Variants in ALKBH1 observed in about 807,000 individuals in gnomAD.
The protein encoded by ALKBH1 is alkB homolog 1, histone H2A dioxygenase.
A neutral mutation model predicts 36.6 loss-of-function variants in ALKBH1; 31 were observed. That is an observed-to-expected ratio of 0.85 (90% CI 0.64 to 1.14). The LOEUF (loss-of-function observed/expected upper bound fraction) is 1.14, where lower values mean the gene tolerates loss of function less well. Ranked by LOEUF, ALKBH1 falls within the 50% of genes most tolerant of loss-of-function variation. ALKBH1 has a pLI of 0.00. For synonymous variants in ALKBH1, 183 were observed against 186.6 expected, an observed-to-expected ratio of 0.98 and a Z score of 0.16; for missense variants, 490 against 497.3, an observed-to-expected ratio of 0.99 and a Z score of 0.14.
At position 77,679,916 on chromosome 14, in the gene ALKBH1, C is replaced by T. The variant is rs1399426456; in HGVS notation, c.510G>A (p.Trp170Ter). 6.2e-7 allele frequency: 1 copy of T among 1,614,142 alleles called. No homozygotes were observed. The highest frequency in any genetic ancestry group is 1.3e-5 in the African/African-American group (1 of 75,046). The change falls in exon 4 of 6, where the codon TGG becomes TGA. Residue 170 changes from tryptophan (W) to a stop codon, truncating the protein, a stop_gained. Transcript: ENST00000216489. LOFTEE classifies it high-confidence loss of function. Reference protein sequence around the residue: ...RPRSLLEKLRWVTVGYHYNWD... With the variant: ...RPRSLLEKLR ...AGTTATAATGGTAGCCTACGGTCAC[C>T]CAACGCAGTTTCTCCAGTAAACTTC... is the stretch of plus-strand genomic sequence containing the variant.
rs374787102 is a variant in ALKBH1 at position 77,694,743 on chromosome 14, G to T, written c.450C>A (p.Phe150Leu). The T allele has an allele frequency of 9.9e-5, 157 of 1,582,636 alleles. No individual in the cohort carries two copies. The highest frequency in any genetic ancestry group is 2.2e-4 in the Admixed American group (12 of 53,888). The stretch of plus-strand genomic sequence containing the variant: ...TTCTGATTGACAAGACTTACCTCAG[G>T]AACTCTTTGCTCTGTTCCCACAGAT... ...TQDLWEQSKEFLRYKEATKRR... is the reference protein window; with the variant it reads ...TQDLWEQSKELLRYKEATKRR... Residue 150 changes from phenylalanine (F) to leucine (L), a missense_variant, in exon 3 of 6, where the codon TTC becomes TTA. By Grantham distance (22) the Phe-to-Leu change is conservative. Coordinates refer to ENST00000216489, the MANE Select transcript of ALKBH1 (RefSeq NM_006020.3).
chr14:77,678,013 C>T (rs1326339868), intron 4 of ALKBH1, among the ~76,000 whole-genome samples: 2 of 131,694 alleles, frequency 1.5e-5, no homozygotes, highest in Non-Finnish European at 3.1e-5. Flanking sequence ...TTTTTACTCC[C>T]TATTTTTCTT....
At chr14:77,689,517 A>T (rs914204640) in intron 3 of ALKBH1, among the ~76,000 whole-genome samples, 1 of 152,212 alleles carries the variant, frequency 6.6e-6, no homozygotes, top group African/African-American at 2.4e-5. Flanking sequence ...ACTAATAAAG[A>T]GGGAATATGA....
intron 2 of ALKBH1, among the ~76,000 whole-genome samples, chr14:77,699,019 C>T (rs2080344185): frequency 1.3e-5 from 2 of 152,188 alleles, no homozygotes; most frequent in African/African-American, 2.4e-5. Flanking sequence ...CTGATCTGCC[C>T]GCCTCGGCCT....
intron 3 of ALKBH1, among the ~76,000 whole-genome samples, chr14:77,685,034 A>G (rs1288687529): frequency 1.3e-5 from 2 of 152,264 alleles, no homozygotes; most frequent in African/African-American, 4.8e-5. Flanking sequence ...AATACATTTT[A>G]TAAACACAGG....
Position 77,681,360 on chromosome 14 carries a change from G to C in ALKBH1, c.456-1390C>G, listed in dbSNP as rs1234142340. 3.3e-5 allele frequency among the ~76,000 whole-genome samples: 5 copies of C among 152,262 alleles called. No homozygotes were observed. The South Asian group carries it at 6.2e-4, about 19-fold the overall frequency. ...GTTGGGAGTTGAGCACGGCACTGAA[G>C]AATGGGCAGCATTTAAATAGGGAGT... On this transcript the variant is annotated intron_variant, in intron 3 of 5. Transcript: ENST00000216489.
At chr14:77,692,469 G>A (rs925050736) in intron 3 of ALKBH1, among the ~76,000 whole-genome samples, 3 of 152,180 alleles carry the variant, frequency 2.0e-5, no homozygotes, top group Admixed American at 6.5e-5. Context: ...TAAGGAGTGC[G>A]CAACCTAGAT....
chr14:77,674,384 G>T, intron 5 of ALKBH1, 143 bp from the exon 6 acceptor site: 1 of 1,003,252 alleles, frequency 1.0e-6, no homozygotes, highest in Non-Finnish European at 1.4e-6. Context: ...TTTTTAAACT[G>T]TGCTAAGATC....
intron 2 of ALKBH1, 132 bp downstream of exon 2, chr14:77,704,237 A>C (rs2139867712): frequency 1.4e-6 from 1 of 705,886 alleles, no homozygotes; most frequent in African/African-American, 1.8e-5. Flanking sequence ...ATGGGTTTGG[A>C]AATGAAACAT....
chr14:77,684,996 A>G (rs2080259927), intron 3 of ALKBH1, among the ~76,000 whole-genome samples: 1 of 152,248 alleles, frequency 6.6e-6, no homozygotes, highest in South Asian at 2.1e-4. Flanking sequence ...TTCCACCAAA[A>G]GATTTAGTCT....
intron 3 of ALKBH1, 55 bp downstream of exon 3, chr14:77,694,683 A>T: frequency 7.2e-7 from 1 of 1,381,076 alleles, no homozygotes; most frequent in Non-Finnish European, 9.5e-7. Flanking sequence ...TCCTTCAAAG[A>T]CCTGTGATGA....
chr14:77,673,797 T>C lies in ALKBH1; in HGVS notation c.*15A>G. ...TAAGCAGGTGCCTGAGTAAAAAGGATGGGATCTCCAAGTCTCAGCTGTCAG... is the reference window on the plus strand; with the variant it reads ...TAAGCAGGTGCCTGAGTAAAAAGGACGGGATCTCCAAGTCTCAGCTGTCAG... On this transcript the variant is annotated 3_prime_UTR_variant, in exon 6 of 6. Transcript: ENST00000216489. 2 of 1,602,320 alleles carry C rather than the reference T, an allele frequency of 1.2e-6. No homozygotes were observed. Among genetic ancestry groups the C allele is most frequent in the South Asian group, 1.1e-5 (1 of 89,794 alleles).
rs2080250550 is a variant in ALKBH1, at chr14:77,683,558, T to C, written c.456-3588A>G. ...TGAACAGTACCCATTCCCATTCCCT[T>C]AATGTCGACAACATCATCCTCCTTT... On this transcript the variant is annotated intron_variant, in intron 3 of 5. Coordinates refer to ENST00000216489, the MANE Select transcript of ALKBH1 (RefSeq NM_006020.3). 19 of 549,962 alleles carry C rather than the reference T, an allele frequency of 3.5e-5. No individual in the cohort carries two copies. In the East Asian group the frequency reaches 6.8e-4, roughly 20 times the overall value. The allele number at this position is 549,962 out of a possible 1,614,324, so 34.1% of individuals were successfully genotyped here. A position where few individuals can be genotyped will look rare whatever the true frequency, so the allele number is the denominator to read the frequency against.
rs962452189 is a variant in ALKBH1, at chr14:77,703,296, T to C, written c.292+1073A>G. ...CCTCGCCTGGTCCCTATTAGGACTTTCTTTTTTTTTTTTTTGAGATGGAGT... is the reference window on the plus strand; with the variant it reads ...CCTCGCCTGGTCCCTATTAGGACTTCCTTTTTTTTTTTTTTGAGATGGAGT... On this transcript the variant is annotated intron_variant, in intron 2 of 5. Coordinates refer to ENST00000216489, the MANE Select transcript of ALKBH1 (RefSeq NM_006020.3). Among the ~76,000 whole-genome samples, 7 of 151,418 alleles carry C rather than the reference T, an allele frequency of 4.6e-5. No individual in the cohort carries two copies. In the East Asian group the frequency reaches 7.8e-4, roughly 17 times the overall value.
chr14:77,687,206 A>G (rs1176615714), intron 3 of ALKBH1, among the ~76,000 whole-genome samples: 1 of 152,180 alleles, frequency 6.6e-6, no homozygotes, highest in Non-Finnish European at 1.5e-5. Flanking sequence ...CCACACCACT[A>G]AACTTCTCTA....
intron 3 of ALKBH1, among the ~76,000 whole-genome samples, chr14:77,690,696 G>C (rs1436375964): frequency 6.6e-6 from 1 of 152,034 alleles, no homozygotes; most frequent in Non-Finnish European, 1.5e-5. Context: ...CTATGTCTGG[G>C]ATATGTCACG....
chr14:77,692,323 A>G (rs529056012), intron 3 of ALKBH1, among the ~76,000 whole-genome samples: 8 of 151,024 alleles, frequency 5.3e-5, no homozygotes, highest in East Asian at 1.9e-4. Context: ...AGTGCTCTAC[A>G]TTAGTGGTTC....
chr14:77,680,677 C>CTCTTTTTTTTTT lies in ALKBH1; in HGVS notation c.456-708_456-707insAAAAAAAAAAGA, dbSNP rs774703181. On this transcript the variant is annotated intron_variant, in intron 3 of 5. Coordinates refer to ENST00000216489, the MANE Select transcript of ALKBH1 (RefSeq NM_006020.3). ...GATCAAATCTATGTGATTAACTACT[C>CTCTTTTTTTTTT]TTTTTTTTTTTTTTTTTTTGAGACA... Among the ~76,000 whole-genome samples the CTCTTTTTTTTTT allele has an allele frequency of 1.7e-4, 21 of 124,334 alleles. 1 individual carries two copies. Among genetic ancestry groups the CTCTTTTTTTTTT allele is most frequent in the African/African-American group, 3.2e-4 (10 of 31,354 alleles). The allele number at this position is 124,334 out of a possible 152,430, so 81.6% of individuals were successfully genotyped here. A position where few individuals can be genotyped will look rare whatever the true frequency, so the allele number is the denominator to read the frequency against.
At chr14:77,676,249 T>C (rs1008342998) in intron 4 of ALKBH1, among the ~76,000 whole-genome samples, 2 of 151,850 alleles carry the variant, frequency 1.3e-5, no homozygotes, top group Non-Finnish European at 2.9e-5. Flanking sequence ...TCCCAAAGCG[T>C]TGTGATTACA....
Sources: allele counts gnomAD v4.1 joint callset (sites outside exome capture counted in the v4.1 genomes callset), GRCh38; gene constraint gnomAD v4.1.1; transcripts MANE v1.5; gene names NCBI Gene and HGNC (gene_info 2026-07-23, HGNC 2026-07-21).